Variants in DCAF1 observed in about 807,000 individuals in gnomAD.
DCAF1 encodes DDB1- and CUL4-associated factor 1.
In DCAF1, 15 loss-of-function variants were observed where a neutral mutation model predicts 128.0. The ratio of observed to expected loss-of-function variants is 0.12; its 90% CI spans 0.08 to 0.18. The LOEUF is 0.18. Ranked by LOEUF, DCAF1 falls within the 10% of genes least tolerant of loss-of-function variation. The pLI, the probability that DCAF1 is intolerant of heterozygous loss-of-function variation, is 1.00. For synonymous variants in DCAF1, 610 were observed against 603.0 expected (o/e 1.01, Z -0.17); for missense variants, 988 against 1,649.5 (o/e 0.60, Z 6.95).
intron 6 of DCAF1, among the ~76,000 whole-genome samples, chr3:51,451,855 C>T (rs1429123140): frequency 6.6e-6 from 1 of 151,030 alleles, no homozygotes; most frequent in African/African-American, 2.4e-5. Flanking sequence ...ATAAAACCAA[C>T]TTAGTACACT....
chr3:51,500,941 A>G (rs2108650188), upstream of DCAF1, among the ~76,000 whole-genome samples: 2 of 150,192 alleles, frequency 1.3e-5, no homozygotes, highest in African/African-American at 4.9e-5. Flanking sequence ...TCAGCCTCCC[A>G]AGTAGCCGGG....
chr3:51,455,093 AC>A (rs1249731251), intron 6 of DCAF1, among the ~76,000 whole-genome samples: 1 of 152,114 alleles, frequency 6.6e-6, no homozygotes, highest in Non-Finnish European at 1.5e-5. Context: ...TTGTTTGCCC[AC>A]CCCCAAACAC....
At chr3:51,426,265 A>G (rs1248127530) in intron 13 of DCAF1, among the ~76,000 whole-genome samples, 2 of 152,106 alleles carry the variant, frequency 1.3e-5, no homozygotes, top group East Asian at 3.9e-4. Flanking sequence ...GCTGGAGTAC[A>G]GTGGCGTGAT....
rs936228308 is a variant in DCAF1, at chr3:51,471,095, A to G, written c.111-90T>C. The G allele has an allele frequency of 1.5e-5, 11 of 750,952 alleles. No individual in the cohort carries two copies. The African/African-American group carries it at 1.9e-4, about 13-fold the overall frequency. 46.5% of individuals were successfully genotyped at this position (750,952 alleles called of 1,614,324 possible). ...AGTCAATTCAACGGTCAAGGTAGAA[A>G]ATAAAAGCAAAGTTAGAAAAAGACT... On this transcript the variant is annotated intron_variant, in intron 3 of 24. Coordinates refer to ENST00000684031, the MANE Select transcript of DCAF1 (RefSeq NM_001387579.1).
chr3:51,451,591 T>C (rs1049742748), intron 6 of DCAF1, among the ~76,000 whole-genome samples: 1 of 152,052 alleles, frequency 6.6e-6, no homozygotes, highest in Non-Finnish European at 1.5e-5. Context: ...TGAAACCCCA[T>C]CTCTACCAAA....
intron 10 of DCAF1, among the ~76,000 whole-genome samples, chr3:51,431,048 T>C (rs760580362): frequency 6.6e-6 from 1 of 151,934 alleles, no homozygotes; most frequent in Non-Finnish European, 1.5e-5. Context: ...GGTGTGGTGG[T>C]GTGCCCTTGT....
chr3:51,460,682 A>G (rs1456582469), intron 6 of DCAF1, among the ~76,000 whole-genome samples: 1 of 152,202 alleles, frequency 6.6e-6, no homozygotes, highest in African/African-American at 2.4e-5. Flanking sequence ...TACAGTAACC[A>G]AAACAGCATG....
At chr3:51,432,815 T>A (rs1320020913) in intron 10 of DCAF1, among the ~76,000 whole-genome samples, 1 of 152,162 alleles carries the variant, frequency 6.6e-6, no homozygotes, top group Non-Finnish European at 1.5e-5. Context: ...GAAAAGTGCC[T>A]GAAGGCTAAT....
rs978165035 is a variant in DCAF1, at chr3:51,412,421, G to A, written c.4170C>T (p.Gly1390=). The change falls in exon 23 of 25, where the codon GGC becomes GGT. Residue 1390 remains glycine, a synonymous_variant. Transcript: ENST00000684031. ...CCTCATCCTCTGCCAGACGCTGCCT[G>A]CCCACTTCATACAGCCTGCATACTG... ...MDTVCRLYEV[G]RQRLAEDEDE... is the part of the protein sequence containing the mutation. 1.2e-6 allele frequency: 2 copies of A among 1,613,886 alleles called. No homozygotes were observed. Among genetic ancestry groups the A allele is most frequent in the Non-Finnish European group, 1.7e-6 (2 of 1,179,870 alleles).
intron 13 of DCAF1, among the ~76,000 whole-genome samples, chr3:51,424,972 CCTTT>C (rs1241565090): frequency 2.0e-5 from 3 of 151,896 alleles, no homozygotes; most frequent in South Asian, 2.1e-4. Flanking sequence ...ATTCTCTGTG[CCTTT>C]CTATGTTTTG....
intron 24 of DCAF1, 46 bp from the exon 25 acceptor site, chr3:51,398,873 T>TA (rs2089426379): frequency 4.5e-6 from 7 of 1,556,278 alleles, no homozygotes; most frequent in Non-Finnish European, 6.1e-6. Context: ...ACTAGGCTTA[T>TA]AGGAAGCTTT....
At chr3:51,480,268 A>C (rs1706009924) in intron 3 of DCAF1, among the ~76,000 whole-genome samples, 1 of 152,090 alleles carries the variant, frequency 6.6e-6, no homozygotes, top group South Asian at 2.1e-4. Context: ...CAGGCCAAAG[A>C]AATACCAAGT....
In DCAF1 at chr3:51,429,468, G is replaced by A. The variant is rs782311335; in HGVS notation, c.1470C>T (p.Ile490=). The A allele has an allele frequency of 3.8e-6, 3 of 780,738 alleles. No homozygotes were observed. Among genetic ancestry groups the A allele is most frequent in the Non-Finnish European group, 7.2e-6 (3 of 417,858 alleles). The allele number at this position is 780,738 out of a possible 1,614,324, so 48.4% of individuals were successfully genotyped here. ...CCAAATTTAGAATCTCCAAAGTACT[G>A]ATCTATTAAGATGCAAAATATTGGG... ...YDGLRRLVNL[I]STLEILNLED... Residue 490 remains isoleucine (I), a splice_region_variant and synonymous_variant, in exon 12 of 25, where the codon ATC becomes ATT. Coordinates refer to ENST00000684031, the MANE Select transcript of DCAF1 (RefSeq NM_001387579.1).
chr3:51,465,752 T>C (rs1373607735), intron 5 of DCAF1, among the ~76,000 whole-genome samples: 1 of 151,898 alleles, frequency 6.6e-6, no homozygotes. Context: ...TCTCAAAAAA[T>C]AAATAAGCAA....
At chr3:51,439,614 TCTG>T (rs1553638077) in intron 9 of DCAF1, among the ~76,000 whole-genome samples, 3 of 152,024 alleles carry the variant, frequency 2.0e-5, no homozygotes, top group Non-Finnish European at 4.4e-5. Flanking sequence ...GCTAATTCTG[TCTG>T]CTATTTCATT....
chr3:51,436,271 T>C (rs151231963), intron 9 of DCAF1: 12 of 433,510 alleles, frequency 2.8e-5, no homozygotes, highest in African/African-American at 4.3e-5. Context: ...GATGGCAAAA[T>C]TGAGATACAT....
At chr3:51,413,908 A>T in intron 20 of DCAF1, 42 bp downstream of exon 20, 1 of 1,429,740 alleles carries the variant, frequency 7.0e-7, no homozygotes, top group Non-Finnish European at 9.2e-7. Context: ...GTGAAGGGGT[A>T]GAGCAAAAGG....
Position 51,422,447 on chromosome 3 carries a change from T to G in DCAF1, c.1848-16A>C. Reference sequence around the variant, plus strand: ...AGTGTCATTCCTGGACAGGAAGAATTAGTCAAAGGGAAATTAGAGTATAGC... The same window carrying G: ...AGTGTCATTCCTGGACAGGAAGAATGAGTCAAAGGGAAATTAGAGTATAGC... On this transcript the variant is annotated splice_polypyrimidine_tract_variant and intron_variant, in intron 13 of 24. Transcript: ENST00000684031. 5.6e-6 allele frequency: 4 copies of G among 718,744 alleles called. No homozygotes were observed. In the South Asian group the frequency reaches 5.9e-5, roughly 11 times the overall value. 44.5% of individuals were successfully genotyped at this position (718,744 alleles called of 1,614,324 possible). A position where few individuals can be genotyped will look rare whatever the true frequency, so the allele number is the denominator to read the frequency against.
intron 2 of DCAF1, among the ~76,000 whole-genome samples, chr3:51,490,390 C>T (rs1225029195): frequency 1.3e-5 from 2 of 152,164 alleles, no homozygotes; most frequent in Non-Finnish European, 2.9e-5. Context: ...AAGATCGCAC[C>T]ACTGCACTCT....
Sources: gnomAD v4.1 joint callset for allele counts (sites outside exome capture counted in the v4.1 genomes callset) on GRCh38, gnomAD v4.1.1 for gene constraint, MANE v1.5 for transcripts, NCBI Gene and HGNC (gene_info 2026-07-23, HGNC 2026-07-21) for gene names.